The following IGF1R variants were observed in gnomAD, a reference collection of about 807,000 sequenced individuals.
IGF1R encodes the protein insulin-like growth factor 1 receptor.
A neutral mutation model predicts 144.6 loss-of-function variants in IGF1R; 44 were observed. The observed-to-expected ratio is 0.30, with a 90% confidence interval of 0.24 to 0.39. IGF1R has a LOEUF of 0.39. IGF1R is among the 10% of genes least tolerant of loss of function. The pLI, the probability that IGF1R is intolerant of heterozygous loss-of-function variation, is 1.00. For missense variants in IGF1R, 1,355 were observed against 1,833.7 expected (o/e 0.74, Z 4.77); for synonymous variants, 795 against 722.8 (o/e 1.10, Z -1.60).
intron 2 of IGF1R, among the ~76,000 whole-genome samples, chr15:98,814,913 C>T (rs929203452): frequency 1.3e-5 from 2 of 152,156 alleles, no homozygotes; most frequent in East Asian, 1.9e-4. Context: ...ATCAAACTTA[C>T]ATTCTGAAAG....
At chr15:98,876,273 A>G (rs55731007) in intron 2 of IGF1R, among the ~76,000 whole-genome samples, 14,129 of 151,598 alleles carry the variant, frequency 0.093, 866 homozygotes, top group Non-Finnish European at 0.14. Context: ...TTTGAACCCA[A>G]TTTTACCTAT....
At chr15:98,918,686 C>T (rs1385896718) in intron 10 of IGF1R, among the ~76,000 whole-genome samples, 28 of 152,074 alleles carry the variant, frequency 1.8e-4, no homozygotes, top group Admixed American at 1.6e-3. Flanking sequence ...CGAGACCAGC[C>T]GGGCATCATG....
chr15:98,852,829 C>T (rs1356350894), intron 2 of IGF1R, among the ~76,000 whole-genome samples: 2 of 152,204 alleles, frequency 1.3e-5, no homozygotes, highest in Non-Finnish European at 2.9e-5. Flanking sequence ...AGGCCTTTGA[C>T]ACCCCGTCCT....
chr15:98,688,424 G>A (rs1229731258), intron 1 of IGF1R, among the ~76,000 whole-genome samples: 1 of 119,192 alleles, frequency 8.4e-6, no homozygotes, highest in Non-Finnish European at 1.7e-5. Flanking sequence ...CTGTGTGTGT[G>A]TGTGTGTGTG....
At chr15:98,954,662 G>C (rs772686713) in intron 20 of IGF1R, among the ~76,000 whole-genome samples, 22 of 152,208 alleles carry the variant, frequency 1.4e-4, no homozygotes, top group Non-Finnish European at 2.6e-4. Context: ...TGGCCACAGG[G>C]CACAGAGCCA....
rs577029865 is a variant in IGF1R at position 98,955,260 on chromosome 15, C to G, written c.3723-1801C>G. On this transcript the variant is annotated intron_variant, in intron 20 of 20. Coordinates refer to ENST00000650285, the MANE Select transcript of IGF1R (RefSeq NM_000875.5). ...TTTTAAAATTCTGGCTACAGAGATA[C>G]TTTTCCATAAAAGTGGCCACATGGA... Among the ~76,000 whole-genome samples the G allele has an allele frequency of 7.6e-4, 115 of 152,316 alleles. 1 individual carries two copies. Among genetic ancestry groups the G allele is most frequent in the South Asian group, 4.3e-3 (21 of 4,834 alleles).
chr15:98,851,798 G>A (rs1046182507), intron 2 of IGF1R, among the ~76,000 whole-genome samples: 6 of 152,200 alleles, frequency 3.9e-5, no homozygotes, highest in African/African-American at 1.4e-4. Context: ...AAGGCAAGGT[G>A]TAACTGCTTA....
At chr15:98,754,656 G>A (rs987125355) in intron 2 of IGF1R, among the ~76,000 whole-genome samples, 6 of 152,234 alleles carry the variant, frequency 3.9e-5, no homozygotes, top group African/African-American at 1.4e-4. Context: ...AGGGAGGGAA[G>A]TTTTGGTTCC....
At chr15:98,868,967 T>A (rs1314397856) in intron 2 of IGF1R, among the ~76,000 whole-genome samples, 6 of 152,166 alleles carry the variant, frequency 3.9e-5, no homozygotes, top group Non-Finnish European at 8.8e-5. Context: ...AGAGCTGGGC[T>A]TGTGCATAGG....
In IGF1R at chr15:98,722,351, A is replaced by T. The variant is rs150464991; in HGVS notation, c.640+14244A>T. ...GAATATTTGGGTCTGGTTGAAATCG[A>T]GGCCTTTCATGAGAAATGTCCACAC... On this transcript the variant is annotated intron_variant, in intron 2 of 20. Transcript: ENST00000650285. Among the ~76,000 whole-genome samples, 390 of 152,306 alleles carry T rather than the reference A, an allele frequency of 2.6e-3. 2 individuals carry two copies. The highest frequency in any genetic ancestry group is 9.0e-3 in the African/African-American group (375 of 41,564).
At chr15:98,747,291 G>C (rs562159185) in intron 2 of IGF1R, among the ~76,000 whole-genome samples, 19 of 152,128 alleles carry the variant, frequency 1.2e-4, no homozygotes, top group Non-Finnish European at 7.4e-5. Flanking sequence ...CCACCTCCCG[G>C]GTTCAAGTGA....
intron 2 of IGF1R, among the ~76,000 whole-genome samples, chr15:98,780,932 A>G (rs2055847706): frequency 6.6e-6 from 1 of 152,210 alleles, no homozygotes; most frequent in African/African-American, 2.4e-5. Context: ...CCTGGGCAAC[A>G]TGGCAAGCTT....
chr15:98,731,165 C>G lies in IGF1R; in HGVS notation c.640+23058C>G, dbSNP rs74937457. Among the ~76,000 whole-genome samples, 688 of 152,274 alleles carry G rather than the reference C, an allele frequency of 4.5e-3. 4 individuals carry two copies. Among genetic ancestry groups the G allele is most frequent in the African/African-American group, 0.015 (625 of 41,556 alleles). On this transcript the variant is annotated intron_variant, in intron 2 of 20. Transcript: ENST00000650285. ...TTGAAATGTTACCGTAGTGATAATT[C>G]TTCTGGAATCTCAAGTCATTAAAAG...
At chr15:98,650,116 C>T (rs1157777633) in intron 1 of IGF1R, among the ~76,000 whole-genome samples, 1 of 152,168 alleles carries the variant, frequency 6.6e-6, no homozygotes, top group Non-Finnish European at 1.5e-5. Flanking sequence ...CTGGGCCGCA[C>T]CGCGTCTCCG....
rs1442765989 is a variant in IGF1R at position 98,891,688 on chromosome 15, C to T, written c.953+51C>T. ...ACTACCCGCCCCACCTCACCCGCCACCCTAGCACACAAAGGTAGACTCTGT... is the reference window on the plus strand; with the variant it reads ...ACTACCCGCCCCACCTCACCCGCCATCCTAGCACACAAAGGTAGACTCTGT... On this transcript the variant is annotated intron_variant, in intron 3 of 20. Coordinates refer to ENST00000650285, the MANE Select transcript of IGF1R (RefSeq NM_000875.5). This position sits in a 1 kb window ranked among gnomAD's most constrained non-coding sequence, Gnocchi z 4.7. The T allele has an allele frequency of 6.5e-7, 1 of 1,546,304 alleles. No homozygotes were observed.
chr15:98,736,168 T>C (rs1208752563), intron 2 of IGF1R, among the ~76,000 whole-genome samples: 2 of 152,250 alleles, frequency 1.3e-5, no homozygotes, highest in East Asian at 3.8e-4. Context: ...TTGATTACAT[T>C]AATCCATATC....
chr15:98,852,955 T>C (rs969688976), intron 2 of IGF1R, among the ~76,000 whole-genome samples: 3 of 152,206 alleles, frequency 2.0e-5, no homozygotes, highest in Non-Finnish European at 4.4e-5. Context: ...GTGGGACAGG[T>C]CATGCTTTAT....
intron 1 of IGF1R, among the ~76,000 whole-genome samples, chr15:98,661,045 CCCTT>C (rs1416959104): frequency 6.6e-6 from 1 of 152,116 alleles, no homozygotes; most frequent in African/African-American, 2.4e-5. Context: ...ATTTCACAGG[CCCTT>C]CCAGCCTTCA....
chr15:98,738,485 G>A (rs899119212), intron 2 of IGF1R, among the ~76,000 whole-genome samples: 2 of 152,202 alleles, frequency 1.3e-5, no homozygotes, highest in Non-Finnish European at 2.9e-5. Flanking sequence ...AAAGTGAGCT[G>A]TGAGCACACC....
Sources: gnomAD v4.1 joint callset for allele counts (sites outside exome capture counted in the v4.1 genomes callset) on GRCh38, gnomAD v4.1.1 for gene constraint, Gnocchi (gnomAD v3.1) non-coding constraint, MANE v1.5 for transcripts, NCBI Gene and HGNC (gene_info 2026-07-23, HGNC 2026-07-21) for gene names.